TSC2: variants seen among roughly 807,000 people sequenced by gnomAD.
The protein encoded by TSC2 is tuberin.
Under a neutral mutation model 202.2 loss-of-function variants are expected in TSC2, and 29 were observed. The ratio of observed to expected loss-of-function variants is 0.14; its 90% CI spans 0.11 to 0.20. The LOEUF (loss-of-function observed/expected upper bound fraction) is 0.20, where lower values mean the gene tolerates loss of function less well. Among genes scored for constraint, TSC2 ranks in the 10% least tolerant of loss-of-function variants. The probability of loss-of-function intolerance (pLI) is 1.00; values close to 1 mark genes in which losing one functional copy is unlikely to be tolerated. For synonymous variants in TSC2, 1,349 were observed against 1,044.0 expected (o/e 1.29, Z -5.63); for missense variants, 2,429 against 2,420.0 (o/e 1.00, Z -0.08).
rs2090482288 is a variant in TSC2, at chr16:2,084,253, A to G, written c.4031A>G (p.Glu1344Gly). The change falls in exon 34 of 42, where the codon GAG (glutamate) becomes GGG (glycine). Residue 1344 changes from glutamate to glycine, a missense_variant. Glu to Gly is a moderately conservative substitution (Grantham distance 98, BLOSUM62 -2). Coordinates refer to ENST00000219476, the MANE Select transcript of TSC2 (RefSeq NM_000548.5). ...TCGTCCTCAGTCTCCAGCCAGGAGG[A>G]GAAGTCGCTCCACGCGGAGGAGCTG... The part of the protein sequence containing the change: ...SRSSSVSSQE[E>G]KSLHAEELVG... 6.2e-7 allele frequency: 1 copy of G among 1,603,570 alleles called. No individual in the cohort carries two copies. Among genetic ancestry groups the G allele is most frequent in the Non-Finnish European group, 8.5e-7 (1 of 1,175,168 alleles).
intron 3 of TSC2, among the ~76,000 whole-genome samples, chr16:2,051,722 G>C (rs1482468702): frequency 6.6e-6 from 1 of 152,192 alleles, no homozygotes; most frequent in Non-Finnish European, 1.5e-5. Flanking sequence ...CTCTGCAGCA[G>C]CTCATCTGAA....
In TSC2 at chr16:2,079,057, G is replaced by T. The variant is rs1440361406; in HGVS notation, c.2992G>T (p.Ala998Ser). The change falls in exon 27 of 42, where the codon GCC becomes TCC. Residue 998 changes from alanine to serine, a missense_variant. Ala to Ser is a moderately conservative substitution (Grantham distance 99, BLOSUM62 1). Transcript: ENST00000219476. The surrounding 1 kb of genome is among the most constrained non-coding windows in gnomAD (Gnocchi z 4.6). Reference protein sequence around the residue: ...RSRIQTSLTSASLGSADENSV... With the variant: ...RSRIQTSLTSSSLGSADENSV... ...CAGGATACAGACGTCCCTCACCAGT[G>T]CCAGCTTGGGGTCTGCAGATGAGAA... 2 of 1,612,866 alleles carry T rather than the reference G, an allele frequency of 1.2e-6. No homozygotes were observed. The highest frequency in any genetic ancestry group is 8.5e-7 in the Non-Finnish European group (1 of 1,180,010).
chr16:2,089,338 A>ATAAC lies in TSC2; in HGVS notation c.*730_*733dup, dbSNP rs2091336538. On this transcript the variant is annotated 3_prime_UTR_variant, in exon 42 of 42. Coordinates refer to ENST00000219476, the MANE Select transcript of TSC2 (RefSeq NM_000548.5). ...GAGTACGGTAGGAACTGGAGAGGTA[A>ATAAC]TAACTTAGGGGCAGGGTGGCGGCGG... 3.1e-6 allele frequency: 1 copy of ATAAC among 318,838 alleles called. No individual in the cohort carries two copies. The highest frequency in any genetic ancestry group is 4.5e-5 in the South Asian group (1 of 22,252). 19.8% of individuals were successfully genotyped at this position (318,838 alleles called of 1,614,324 possible). A position where few individuals can be genotyped will look rare whatever the true frequency, so the allele number is the denominator to read the frequency against.
intron 26 of TSC2, chr16:2,078,675 G>T (rs1324721997): frequency 2.7e-6 from 1 of 367,632 alleles, no homozygotes; most frequent in Non-Finnish European, 5.2e-6. Context: ...CCTGCGGGCA[G>T]AATGCAATCT....
intron 2 of TSC2, among the ~76,000 whole-genome samples, chr16:2,049,958 T>C (rs1297255283): frequency 1.3e-5 from 2 of 151,064 alleles, no homozygotes; most frequent in African/African-American, 2.4e-5. Context: ...TAAATCTTTT[T>C]TTTTTTTTTT....
intron 15 of TSC2, chr16:2,064,760 C>T (rs1012668609): frequency 2.3e-6 from 1 of 431,054 alleles, no homozygotes; most frequent in Non-Finnish European, 4.3e-6. Context: ...CTTTGATTTT[C>T]AGATGCATTT....
intron 31 of TSC2, 70 bp downstream of exon 31, chr16:2,081,868 T>C: frequency 6.4e-7 from 1 of 1,571,418 alleles, no homozygotes; most frequent in South Asian, 1.2e-5. Context: ...GACGGCAATG[T>C]GGCTCCTCTC....
intron 2 of TSC2, 22 bp from the exon 3 acceptor site, chr16:2,050,378 T>G: frequency 6.2e-7 from 1 of 1,613,160 alleles, no homozygotes. Context: ...TGGCCCCTTT[T>G]TCTTCTTTCA....
intron 11 of TSC2, chr16:2,061,074 C>A: frequency 1.9e-6 from 1 of 517,166 alleles, no homozygotes; most frequent in Non-Finnish European, 3.5e-6. Flanking sequence ...GTCCACAGTC[C>A]GCAGAGTGAC....
At chr16:2,052,083 A>C (rs974243477) in intron 3 of TSC2, among the ~76,000 whole-genome samples, 1 of 152,026 alleles carries the variant, frequency 6.6e-6, no homozygotes, top group Non-Finnish European at 1.5e-5. Context: ...AAAAAGAACA[A>C]GCGTCCTGCA....
At chr16:2,058,439 T>G (rs1172688651) in intron 9 of TSC2, among the ~76,000 whole-genome samples, 1 of 152,260 alleles carries the variant, frequency 6.6e-6, no homozygotes, top group East Asian at 1.9e-4. Context: ...CCTGGGAGAT[T>G]ATGTGGCTGG....
intron 3 of TSC2, among the ~76,000 whole-genome samples, chr16:2,051,424 T>G (rs1442769598): frequency 6.6e-6 from 1 of 152,164 alleles, no homozygotes; most frequent in Admixed American, 6.5e-5. Context: ...AAGGGTTTGT[T>G]CCACAGAGAA....
At chr16:2,072,132 T>G in intron 19 of TSC2, 109 bp from the exon 20 acceptor site, 1 of 1,587,248 alleles carries the variant, frequency 6.3e-7, no homozygotes, top group Non-Finnish European at 8.5e-7. Context: ...AGAACAGGGC[T>G]CCATAGCCCT....
At position 2,051,176 on chromosome 16, in the gene TSC2, C is replaced by T. The variant is rs117417245; in HGVS notation, c.225+690C>T. Among the ~76,000 whole-genome samples the T allele has an allele frequency of 4.3e-4, 65 of 151,934 alleles. No individual in the cohort carries two copies. The East Asian group carries it at 0.01, about 24-fold the overall frequency. On this transcript the variant is annotated intron_variant, in intron 3 of 41. Transcript: ENST00000219476. Reference sequence around the variant, plus strand: ...CCGTCTGTACTAAAAGATGATGAGCCGGGCATGGTGGCACATGCCTGTAAT... The same window carrying T: ...CCGTCTGTACTAAAAGATGATGAGCTGGGCATGGTGGCACATGCCTGTAAT...
At chr16:2,067,643 G>T (rs892767339) in intron 16 of TSC2, among the ~76,000 whole-genome samples, 7 of 152,168 alleles carry the variant, frequency 4.6e-5, no homozygotes, top group Non-Finnish European at 7.4e-5. Flanking sequence ...GGTGGCGCAT[G>T]CCTGTAGTCC....
At chr16:2,062,443 GAGA>G (rs1365950892) in intron 12 of TSC2, 51 bp from the exon 13 acceptor site, 27 of 1,519,732 alleles carry the variant, frequency 1.8e-5, no homozygotes, top group South Asian at 2.4e-5. Context: ...GCCCAGTGTG[GAGA>G]AGGAGAGCGC....
At chr16:2,069,904 C>G (rs1312005513) in intron 16 of TSC2, among the ~76,000 whole-genome samples, 3 of 152,240 alleles carry the variant, frequency 2.0e-5, no homozygotes. Flanking sequence ...TGAGCCACCA[C>G]ACCTGGCCTC....
intron 16 of TSC2, chr16:2,068,796 C>G (rs1405939179): frequency 7.2e-6 from 1 of 139,272 alleles, no homozygotes; most frequent in African/African-American, 2.7e-5. Context: ...TCACTTGAAC[C>G]TGGGAGGTGG....
At chr16:2,048,506 T>C in intron 1 of TSC2, 81 bp from the exon 2 acceptor site, 1 of 1,560,548 alleles carries the variant, frequency 6.4e-7, no homozygotes, top group Non-Finnish European at 8.8e-7. Context: ...AGACCCAGGG[T>C]CCTGACGGCT....
Sources: allele counts gnomAD v4.1 joint callset (sites outside exome capture counted in the v4.1 genomes callset), GRCh38; gene constraint gnomAD v4.1.1; non-coding constraint Gnocchi (gnomAD v3.1); transcripts MANE v1.5; gene names NCBI Gene and HGNC (gene_info 2026-07-23, HGNC 2026-07-21).